Variants in RFC1 observed in about 807,000 individuals in gnomAD.
The protein encoded by RFC1 is replication factor C subunit 1, also known as A1 140 kDa subunit.
Under a neutral mutation model 137.4 loss-of-function variants are expected in RFC1, and 37 were observed. The observed-to-expected ratio is 0.27, with a 90% CI of 0.21 to 0.35. RFC1 has a LOEUF of 0.35. Ranked by LOEUF, RFC1 falls within the 10% of genes least tolerant of loss-of-function variation. The probability of loss-of-function intolerance (pLI) is 1.00; values close to 1 mark genes in which losing one functional copy is unlikely to be tolerated. For missense variants in RFC1, 1,205 were observed against 1,358.5 expected, an observed-to-expected ratio of 0.89 and a Z score of 1.78; for synonymous variants, 429 against 455.7, an observed-to-expected ratio of 0.94 and a Z score of 0.75.
At chr4:39,292,891 C>T (rs370481165) in intron 22 of RFC1, among the ~76,000 whole-genome samples, 1 of 152,016 alleles carries the variant, frequency 6.6e-6, no homozygotes, top group African/African-American at 2.4e-5. Flanking sequence ...GTGATCCACC[C>T]GCCTTGGCCT....
chr4:39,293,693 T>C (rs1055014943), intron 22 of RFC1, among the ~76,000 whole-genome samples: 25 of 151,668 alleles, frequency 1.6e-4, no homozygotes, highest in African/African-American at 5.6e-4. Flanking sequence ...CCAAAAATGT[T>C]TGGTCTAATG....
At chr4:39,290,562 C>T (rs1218515771) in intron 23 of RFC1, among the ~76,000 whole-genome samples, 2 of 152,122 alleles carry the variant, frequency 1.3e-5, no homozygotes, top group African/African-American at 2.4e-5. Flanking sequence ...CGCCTGTAAT[C>T]CCAGCACTTT....
chr4:39,347,783 T>C (rs1489981687), intron 2 of RFC1, among the ~76,000 whole-genome samples: 1 of 152,164 alleles, frequency 6.6e-6, no homozygotes, highest in African/African-American at 2.4e-5. Context: ...GAACAGAATG[T>C]TGGTATAAAT....
At position 39,320,663 on chromosome 4, in the gene RFC1, G is replaced by A. The variant is rs756791779; in HGVS notation, c.815C>T (p.Thr272Ile). 6.4e-7 allele frequency: 1 copy of A among 1,567,340 alleles called. No individual in the cohort carries two copies. Among genetic ancestry groups the A allele is most frequent in the Non-Finnish European group, 8.6e-7 (1 of 1,164,388 alleles). The change falls in exon 9 of 25, where the codon ACA becomes ATA. Residue 272 changes from threonine to isoleucine, a missense_variant. By Grantham distance (89) the Thr-to-Ile change is moderately conservative. Transcript: ENST00000349703. ...EKHKYPHKVK[T>I]AQVSDERKSY... ...CTTTCTTTCATCTGAAACTTGTGCT[G>A]TTTTTACTAGGAAGAAAGAAAAGAT... is the stretch of plus-strand genomic sequence containing the variant.
intron 3 of RFC1, among the ~76,000 whole-genome samples, chr4:39,342,962 C>G (rs897865048): frequency 2.0e-5 from 3 of 152,226 alleles, no homozygotes; most frequent in Non-Finnish European, 4.4e-5. Context: ...ACTCTCTAAA[C>G]CCTTTTTCTA....
intron 4 of RFC1, among the ~76,000 whole-genome samples, chr4:39,329,073 T>G (rs1424339192): frequency 8.7e-6 from 1 of 114,946 alleles, no homozygotes; most frequent in Admixed American, 1.2e-4. Context: ...AATTAGGAGC[T>G]CCAAAAATGT....
chr4:39,351,278 A>AAAAAATT, intron 2 of RFC1, 70 bp downstream of exon 2: 5 of 494,858 alleles, frequency 1.0e-5, no homozygotes, highest in Non-Finnish European at 1.5e-5. Flanking sequence ...AAAAAAAAAA[A>AAAAAATT]AAAAAAACTT....
chr4:39,358,311 A>C (rs931946755), intron 1 of RFC1, among the ~76,000 whole-genome samples: 4 of 152,170 alleles, frequency 2.6e-5, no homozygotes, highest in Admixed American at 2.6e-4. Context: ...AAATAGACCT[A>C]CAACATAATA....
At chr4:39,365,377 A>G (rs1741975029) in intron 1 of RFC1, 7 of 774,050 alleles carry the variant, frequency 9.0e-6, no homozygotes, top group Non-Finnish European at 1.1e-5. Flanking sequence ...ATTATATCGG[A>G]TTGTTAAGTA....
Position 39,291,711 on chromosome 4 carries a change from T to G in RFC1, c.3096A>C (p.Glu1032Asp), listed in dbSNP as rs1328417067. The change falls in exon 23 of 25, where the codon GAA becomes GAC. Residue 1032 changes from glutamate (E) to aspartate (D), a missense_variant. Physicochemically the swap from Glu to Asp is conservative, Grantham distance 45. Transcript: ENST00000349703. ...TGATTTCCATGATATTCTCAAAGTC[T>G]TCTTTCATCAAATAATATGTGTCCA... ...ALMDTYYLMK[E>D]DFENIMEISS... 5 of 1,614,068 alleles carry G rather than the reference T, an allele frequency of 3.1e-6. No homozygotes were observed. The African/African-American group carries it at 4.0e-5, about 13-fold the overall frequency.
chr4:39,302,247 A>G, intron 19 of RFC1, 31 bp downstream of exon 19: 1 of 1,417,754 alleles, frequency 7.1e-7, no homozygotes, highest in Non-Finnish European at 1.0e-6. Context: ...TTGGCTTAGG[A>G]AAGTAACTAA....
At chr4:39,295,520 A>C in intron 22 of RFC1, 94 bp downstream of exon 22, 1 of 1,104,066 alleles carries the variant, frequency 9.1e-7, no homozygotes, top group East Asian at 2.5e-5. Flanking sequence ...AATAAAAACT[A>C]AAACACAAAT....
chr4:39,341,963 G>A (rs149151462), intron 4 of RFC1, among the ~76,000 whole-genome samples: 12 of 152,086 alleles, frequency 7.9e-5, no homozygotes, highest in African/African-American at 2.7e-4. Flanking sequence ...TTCAACATCC[G>A]TGCTAAATTA....
At chr4:39,325,122 C>T (rs777844223) in intron 6 of RFC1, among the ~76,000 whole-genome samples, 1 of 152,174 alleles carries the variant, frequency 6.6e-6, no homozygotes, top group Non-Finnish European at 1.5e-5. Context: ...TGCATTATCT[C>T]CCCATGATCT....
intron 2 of RFC1, among the ~76,000 whole-genome samples, chr4:39,347,242 A>G (rs1740903605): frequency 6.6e-6 from 1 of 152,228 alleles, no homozygotes; most frequent in African/African-American, 2.4e-5. Flanking sequence ...TCAATTGACT[A>G]AGTAAAGCAG....
intron 4 of RFC1, among the ~76,000 whole-genome samples, chr4:39,338,433 G>A (rs1431456782): frequency 1.3e-5 from 2 of 152,104 alleles, no homozygotes; most frequent in Non-Finnish European, 2.9e-5. Flanking sequence ...GAAGTAAAAT[G>A]CAAGCCACAT....
chr4:39,345,425 T>C lies in RFC1; in HGVS notation c.184A>G (p.Lys62Glu). 2.5e-6 allele frequency: 4 copies of C among 1,614,020 alleles called. No individual in the cohort carries two copies. Among genetic ancestry groups the C allele is most frequent in the Non-Finnish European group, 3.4e-6 (4 of 1,179,934 alleles). Residue 62 changes from lysine to glutamate, a missense_variant, in exon 3 of 25, where the codon AAA becomes GAA. By Grantham distance (56) the Lys-to-Glu change is moderately conservative (BLOSUM62 1). This residue lies in a region of RFC1 where 962 missense variants were observed against 1,035.3 expected (regional missense o/e 0.93). Coordinates refer to ENST00000349703, the MANE Select transcript of RFC1 (RefSeq NM_002913.5). ...DDFKQKQPSK[K>E]KRIIYDSDSE... ...CCTGAATCATAGATGATCCTCTTTTTCTTGCTTGGTTGCTTTTGTTTGAAG... is the reference window on the plus strand; with the variant it reads ...CCTGAATCATAGATGATCCTCTTTTCCTTGCTTGGTTGCTTTTGTTTGAAG...
chr4:39,351,280 A>ACTTAC, intron 2 of RFC1, 68 bp downstream of exon 2: 7 of 537,128 alleles, frequency 1.3e-5, no homozygotes, highest in South Asian at 5.9e-5. Flanking sequence ...AAAAAAAAAA[A>ACTTAC]AAAAACTTAT....
intron 2 of RFC1, among the ~76,000 whole-genome samples, chr4:39,349,009 T>C (rs1741049973): frequency 2.0e-5 from 3 of 152,274 alleles, no homozygotes. Context: ...CCTATATGTC[T>C]GTTCTACTAT....
Sources: allele counts gnomAD v4.1 joint callset (sites outside exome capture counted in the v4.1 genomes callset), GRCh38; gene constraint gnomAD v4.1.1; regional missense constraint gnomAD v4.1.1; transcripts MANE v1.5; gene names NCBI Gene and HGNC (gene_info 2026-07-23, HGNC 2026-07-21).